The following ZNF518A variants were observed in gnomAD, a reference collection of about 807,000 sequenced individuals.
ZNF518A encodes zinc finger protein 518A, also known as zinc finger protein 518.
Under a neutral mutation model 102.7 loss-of-function variants are expected in ZNF518A, and 47 were observed. The ratio of observed to expected loss-of-function variants is 0.46; its 90% CI spans 0.36 to 0.58. The LOEUF (loss-of-function observed/expected upper bound fraction) is 0.58. ZNF518A is among the 20% of genes least tolerant of loss of function. The pLI, the probability that ZNF518A is intolerant of heterozygous loss-of-function variation, is 0.00. For missense variants in ZNF518A, 1,793 were observed against 1,699.8 expected (o/e 1.05, Z -0.96); for synonymous variants, 652 against 594.6 (o/e 1.10, Z -1.40).
chr10:96,187,197 T>C (rs1418643140), intron 1 of ZNF518A, among the ~76,000 whole-genome samples: 15 of 152,250 alleles, frequency 9.9e-5, no homozygotes, highest in Admixed American at 9.8e-4. Flanking sequence ...TATAGATGGG[T>C]TCATTTAAAG....
Position 96,200,439 on chromosome 10 carries a change from T to C in ZNF518A, n.36-3135T>C, listed in dbSNP as rs2083601111. ...CCCCTTTCCATTGTGCTCTTATTGC[T>C]CTTACTTTGTGGAGTGCTTTACAAT... is the stretch of plus-strand genomic sequence containing the variant. On this transcript the variant is annotated intron_variant and non_coding_transcript_variant, in intron 1 of 2. Transcript: ENST00000442635. This position sits in a 1 kb window ranked among gnomAD's most constrained non-coding sequence, Gnocchi z 4.3. 6.6e-6 allele frequency among the ~76,000 whole-genome samples: 1 copy of C among 152,234 alleles called. No homozygotes were observed. Among genetic ancestry groups the C allele is most frequent in the South Asian group, 2.1e-4 (1 of 4,834 alleles).
chr10:96,145,494 C>A lies in ZNF518A; in HGVS notation c.-301-9832C>A, dbSNP rs587620462. Among the ~76,000 whole-genome samples, 24 of 152,356 alleles carry A rather than the reference C, an allele frequency of 1.6e-4. 1 individual carries two copies. Among genetic ancestry groups the A allele is most frequent in the Admixed American group, 1.4e-3 (22 of 15,304 alleles). On this transcript the variant is annotated intron_variant, in intron 3 of 5. Transcript: ENST00000316045. Reference sequence around the variant, plus strand: ...TTGTTAAATAAACCGACTAAAAACACTTCTCTTATAGCATGAATTTATATA... The same window carrying A: ...TTGTTAAATAAACCGACTAAAAACAATTCTCTTATAGCATGAATTTATATA...
Position 96,161,389 on chromosome 10 carries a change from T to G in ZNF518A, c.*615T>G, listed in dbSNP as rs1554887958. 6.0e-6 allele frequency: 1 copy of G among 166,996 alleles called. No homozygotes were observed. Among genetic ancestry groups the G allele is most frequent in the East Asian group, 1.9e-4 (1 of 5,206 alleles). The allele number at this position is 166,996 out of a possible 1,614,324, so 10.3% of individuals were successfully genotyped here. The stretch of plus-strand genomic sequence containing the variant: ...GTAAATTTTTTTTCCAGTTGAACTC[T>G]GTCACTTGTTAGAGATTGGGAACAC... On this transcript the variant is annotated 3_prime_UTR_variant, in exon 6 of 6. Transcript: ENST00000316045.
At chr10:96,203,996 C>A in exon 3 of ZNF518A, 1 of 1,448,612 alleles carries the variant, frequency 6.9e-7, no homozygotes, top group South Asian at 1.1e-5. Context: ...CCAGGCCTAT[C>A]AGACTCTAGG....
chr10:96,189,698 AATCATCATCATCATCATCATC>A, intron 1 of ZNF518A: 1 of 655,362 alleles, frequency 1.5e-6, no homozygotes, highest in Middle Eastern at 4.4e-4. Context: ...TCATCATCAA[AATCATCATCATCATCATCATC>A]ATCATCATCA....
intron 3 of ZNF518A, among the ~76,000 whole-genome samples, chr10:96,137,513 C>T (rs187657497): frequency 6.6e-6 from 1 of 152,340 alleles, no homozygotes; most frequent in Non-Finnish European, 1.5e-5. Context: ...GTGATCTTCA[C>T]ATTAAGTCTA....
At chr10:96,142,288 G>A (rs886475273) in intron 3 of ZNF518A, among the ~76,000 whole-genome samples, 12 of 149,430 alleles carry the variant, frequency 8.0e-5, no homozygotes, top group Admixed American at 2.0e-4. Flanking sequence ...ATTCTGCTTT[G>A]AAAGTAATAT....
rs1010903411 is a variant in ZNF518A at position 96,130,580 on chromosome 10, G to A, written c.-625G>A. ...GAAGCACTCACTCGGCGGGTTTCGT[G>A]GTTGGTGGAGACAGCAAGGGCGCCC... On this transcript the variant is annotated 5_prime_UTR_variant, in exon 1 of 6. Transcript: ENST00000316045. The A allele has an allele frequency of 3.3e-5, 5 of 152,504 alleles. No individual in the cohort carries two copies. Among genetic ancestry groups the A allele is most frequent in the African/African-American group, 1.2e-4 (5 of 41,594 alleles). The allele number at this position is 152,504 out of a possible 1,614,324, so 9.4% of individuals were successfully genotyped here.
chr10:96,162,654 G>T lies in ZNF518A; in HGVS notation c.*1880G>T, dbSNP rs117805333. 2 of 165,960 alleles carry T rather than the reference G, an allele frequency of 1.2e-5. No homozygotes were observed. The highest frequency in any genetic ancestry group is 4.1e-4 in the South Asian group (2 of 4,830). 10.3% of individuals were successfully genotyped at this position (165,960 alleles called of 1,614,324 possible). Reference sequence around the variant, plus strand: ...GAAATATACAGTATATATTAATAATGTACATGGTGTTTAAAGAATGGTAAG... The same window carrying T: ...GAAATATACAGTATATATTAATAATTTACATGGTGTTTAAAGAATGGTAAG... On this transcript the variant is annotated 3_prime_UTR_variant, in exon 6 of 6. Transcript: ENST00000316045.
chr10:96,183,204 T>C (rs1286983107), intron 1 of ZNF518A, among the ~76,000 whole-genome samples: 1 of 152,220 alleles, frequency 6.6e-6, no homozygotes, highest in East Asian at 1.9e-4. Context: ...TGTTTGATTC[T>C]TCTCTGTTCT....
intron 1 of ZNF518A, among the ~76,000 whole-genome samples, chr10:96,131,122 A>G (rs1292580297): frequency 2.0e-5 from 3 of 152,214 alleles, no homozygotes; most frequent in African/African-American, 7.2e-5. Flanking sequence ...AAAATAAAAT[A>G]AGTCAATGTT....
At chr10:96,147,365 T>A (rs1157823689) in intron 3 of ZNF518A, among the ~76,000 whole-genome samples, 1 of 152,222 alleles carries the variant, frequency 6.6e-6, no homozygotes, top group Non-Finnish European at 1.5e-5. Context: ...AACTGTTTGT[T>A]ATCCTGGTAT....
At chr10:96,140,855 C>A (rs2081886393) in intron 3 of ZNF518A, among the ~76,000 whole-genome samples, 1 of 151,718 alleles carries the variant, frequency 6.6e-6, no homozygotes, top group South Asian at 2.1e-4. Flanking sequence ...GTGGGAGAAT[C>A]AATTGAGCCC....
chr10:96,145,064 T>TTTTTTGTTG (rs1554877906), intron 3 of ZNF518A, among the ~76,000 whole-genome samples: 2 of 150,652 alleles, frequency 1.3e-5, no homozygotes, highest in Non-Finnish European at 3.0e-5. Context: ...ACATGTATGT[T>TTTTTTGTTG]TTGTTGTTGT....
chr10:96,164,760 C>T (rs1368062537), downstream of ZNF518A, among the ~76,000 whole-genome samples: 8 of 152,030 alleles, frequency 5.3e-5, no homozygotes, highest in African/African-American at 1.9e-4. Flanking sequence ...TAGGAGATGC[C>T]AAGAATGTGC....
Position 96,200,205 on chromosome 10 carries a change from C to T in ZNF518A, n.36-3369C>T. ...TCAGCATGGGATGGTCCCTACTTAA[C>T]TCTAATTTCTGTGTACTAGAAACAA... On this transcript the variant is annotated intron_variant and non_coding_transcript_variant, in intron 1 of 2. Transcript: ENST00000442635. The surrounding 1 kb of genome is among the most constrained non-coding windows in gnomAD (Gnocchi z 4.3). 5 of 1,526,936 alleles carry T rather than the reference C, an allele frequency of 3.3e-6. No homozygotes were observed. The highest frequency in any genetic ancestry group is 2.7e-5 in the African/African-American group (2 of 73,356). The allele number at this position is 1,526,936 out of a possible 1,614,324, so 94.6% of individuals were successfully genotyped here. A position where few individuals can be genotyped will look rare whatever the true frequency, so the allele number is the denominator to read the frequency against.
chr10:96,136,354 C>G (rs2081597250), intron 3 of ZNF518A, among the ~76,000 whole-genome samples: 1 of 149,712 alleles, frequency 6.7e-6, no homozygotes, highest in Non-Finnish European at 1.5e-5. Flanking sequence ...GTATATATAA[C>G]CTTTCTCAAA....
chr10:96,178,678 A>T (rs2083220333), intron 1 of ZNF518A, among the ~76,000 whole-genome samples: 1 of 152,042 alleles, frequency 6.6e-6, no homozygotes, highest in Admixed American at 6.6e-5. Flanking sequence ...GTTCTTTGCA[A>T]AGGTCAATAA....
intron 2 of ZNF518A, chr10:96,133,010 G>A (rs188342872): frequency 5.3e-5 from 8 of 152,196 alleles, no homozygotes; most frequent in African/African-American, 7.2e-5. Flanking sequence ...GTTTTCATAA[G>A]TTATATAAGT....
Sources: gnomAD v4.1 joint callset for allele counts (sites outside exome capture counted in the v4.1 genomes callset) on GRCh38, gnomAD v4.1.1 for gene constraint, Gnocchi (gnomAD v3.1) non-coding constraint, MANE v1.5 for transcripts, NCBI Gene and HGNC (gene_info 2026-07-23, HGNC 2026-07-21) for gene names.